The following TM6SF2 variants were observed in gnomAD, a reference collection of about 807,000 sequenced individuals.
TM6SF2 encodes transmembrane 6 superfamily member 2.
TM6SF2 carries 29 observed loss-of-function variants against 41.0 expected under a neutral mutation model. That is an observed-to-expected ratio of 0.71 (90% CI 0.53 to 0.96). The LOEUF (loss-of-function observed/expected upper bound fraction) is 0.96, where lower values mean the gene tolerates loss of function less well. Ranked by LOEUF, TM6SF2 falls within the 50% of genes least tolerant of loss-of-function variation. TM6SF2 has a pLI of 0.00. For missense variants in TM6SF2, 475 were observed against 499.0 expected, an observed-to-expected ratio of 0.95 and a Z score of 0.46; for synonymous variants, 200 against 209.1, an observed-to-expected ratio of 0.96 and a Z score of 0.37.
chr19:19,270,003 C>T, intron 4 of TM6SF2, 170 bp downstream of exon 4: 2 of 1,499,494 alleles, frequency 1.3e-6, no homozygotes, highest in Non-Finnish European at 8.9e-7. Context: ...CCACCACCTA[C>T]ACCTGAGACG....
chr19:19,270,552 A>G, intron 2 of TM6SF2, 110 bp from the exon 3 acceptor site: 1 of 1,346,222 alleles, frequency 7.4e-7, no homozygotes, highest in Non-Finnish European at 1.0e-6. Flanking sequence ...AGATTATTCC[A>G]GGCAAGGACT....
At chr19:19,265,408 A>G (rs1599835820) in intron 9 of TM6SF2, among the ~76,000 whole-genome samples, 5 of 97,492 alleles carry the variant, frequency 5.1e-5, no homozygotes, top group South Asian at 4.1e-4. Context: ...CTATCTATCC[A>G]TCCATCCATC....
chr19:19,266,863 G>T (rs767558951), intron 8 of TM6SF2: 22 of 421,976 alleles, frequency 5.2e-5, no homozygotes, highest in Non-Finnish European at 7.9e-5. Context: ...GAGCATTCCA[G>T]CCCCCTGTCC....
intron 4 of TM6SF2, 61 bp downstream of exon 4, chr19:19,270,112 C>T (rs1220961123): frequency 1.2e-6 from 2 of 1,604,294 alleles, no homozygotes; most frequent in African/African-American, 2.7e-5. Context: ...CCCTGGGACC[C>T]CATCTGAGGA....
chr19:19,264,836 C>A lies in TM6SF2; in HGVS notation c.962G>T (p.Arg321Leu), dbSNP rs778992711. The change falls in exon 10 of 10, where the codon CGC becomes CTC. Residue 321 changes from arginine (R) to leucine (L), a missense_variant. Around this residue, in one of 3 missense-constraint regions of TM6SF2, gnomAD observed 190 missense variants for 190.2 expected, o/e 1.00. Transcript: ENST00000389363. ...AGGCACACGGTAGGTGAAGGGTGTG[C>A]GCAGGTGCATGGAAGCCCCCATGTG... ...FSHMGASMHL[R>L]TPFTYRVPED... The A allele has an allele frequency of 6.3e-7, 1 of 1,594,218 alleles. No homozygotes were observed. The highest frequency in any genetic ancestry group is 8.5e-7 in the Non-Finnish European group (1 of 1,171,132).
chr19:19,273,061 T>TTCCCCCCCCCCCCCCCCCCC, intron 1 of TM6SF2, 60 bp downstream of exon 1: 1 of 305,470 alleles, frequency 3.3e-6, no homozygotes, highest in Non-Finnish European at 6.1e-6. Flanking sequence ...CCTCCAGTCC[T>TTCCCCCCCCCCCCCCCCCCC]CCCCGCCCCC....
At chr19:19,273,061 T>TTCCCCCCCCCCCC in intron 1 of TM6SF2, 60 bp downstream of exon 1, 1 of 305,470 alleles carries the variant, frequency 3.3e-6, no homozygotes, top group Admixed American at 5.9e-5. Flanking sequence ...CCTCCAGTCC[T>TTCCCCCCCCCCCC]CCCCGCCCCC....
At chr19:19,266,803 C>A in intron 8 of TM6SF2, 194 bp from the exon 9 acceptor site, 1 of 578,380 alleles carries the variant, frequency 1.7e-6, no homozygotes, top group South Asian at 2.1e-5. Context: ...ATACACCAAA[C>A]CTACTAACCT....
rs200492531 is a variant in TM6SF2, at chr19:19,271,076, C to A, written c.145G>T (p.Val49Leu). The A allele has an allele frequency of 1.5e-3, 2,358 of 1,614,190 alleles. 5 individuals are homozygous for A. Among genetic ancestry groups the A allele is most frequent in the Middle Eastern group, 2.8e-3 (17 of 6,062 alleles). ...MSALILGLLFVAVYSLSHGEV... is the reference protein window; with the variant it reads ...MSALILGLLFLAVYSLSHGEV... Reference sequence around the variant, plus strand: ...CCATGGGACAAGCTGTAGACCGCCACGAAAAGCAGACCCAGGATTAGGGCG... The same window carrying A: ...CCATGGGACAAGCTGTAGACCGCCAAGAAAAGCAGACCCAGGATTAGGGCG... The change falls in exon 2 of 10, where the codon GTG (valine) becomes TTG (leucine). Residue 49 changes from valine (V) to leucine (L), a missense_variant. Coordinates refer to ENST00000389363, the MANE Select transcript of TM6SF2 (RefSeq NM_001001524.3).
intron 8 of TM6SF2, chr19:19,266,831 G>T (rs2146576334): frequency 2.1e-6 from 1 of 484,640 alleles, no homozygotes; most frequent in East Asian, 4.1e-5. Flanking sequence ...AAAGTGGCAT[G>T]CGACCCTGGC....
chr19:19,267,792 C>T, intron 7 of TM6SF2, 79 bp from the exon 8 acceptor site: 1 of 1,402,690 alleles, frequency 7.1e-7, no homozygotes, highest in Non-Finnish European at 9.9e-7. Flanking sequence ...GGCCCACACC[C>T]CTTGCTCTGG....
chr19:19,267,582 C>T (rs775897073), intron 8 of TM6SF2, 39 bp downstream of exon 8: 309 of 1,478,516 alleles, frequency 2.1e-4, no homozygotes, highest in Non-Finnish European at 2.8e-4. Flanking sequence ...GACCCCTACC[C>T]ATGGCAGGGG....
At chr19:19,271,168 T>C (rs773047608) in intron 1 of TM6SF2, 43 bp from the exon 2 acceptor site, 1 of 1,505,360 alleles carries the variant, frequency 6.6e-7, no homozygotes, top group Non-Finnish European at 9.3e-7. Context: ...GGCCCAGTGC[T>C]GAGGCATCGC....
At chr19:19,268,160 G>A in intron 6 of TM6SF2, 73 bp from the exon 7 acceptor site, 2 of 1,029,724 alleles carry the variant, frequency 1.9e-6, no homozygotes, top group Non-Finnish European at 2.9e-6. Context: ...CTCAATAAAG[G>A]TTCCTAAGGC....
chr19:19,266,810 A>C, intron 8 of TM6SF2: 2 of 532,960 alleles, frequency 3.8e-6, no homozygotes, highest in Non-Finnish European at 6.5e-6. Context: ...AAACCTACTA[A>C]CCTTTCTCTG....
chr19:19,272,977 C>G, intron 1 of TM6SF2, 144 bp downstream of exon 1: 2 of 586,178 alleles, frequency 3.4e-6, no homozygotes, highest in Non-Finnish European at 5.4e-6. Flanking sequence ...CCAATCCTGC[C>G]GGGTCGGAGC....
intron 2 of TM6SF2, 35 bp from the exon 3 acceptor site, chr19:19,270,477 A>AGGGGACAGGTGTGGGT: frequency 6.6e-7 from 1 of 1,511,218 alleles, no homozygotes; most frequent in Non-Finnish European, 9.0e-7. Context: ...CAGGTGTGGG[A>AGGGGACAGGTGTGGGT]GGGGACACGT....
Position 19,266,785 on chromosome 19 carries a change from C to G in TM6SF2, c.805-176G>C, listed in dbSNP as rs183882541. On this transcript the variant is annotated intron_variant, in intron 8 of 9. Coordinates refer to ENST00000389363, the MANE Select transcript of TM6SF2 (RefSeq NM_001001524.3). ...CCTTGGGGATCCTTGCCCCCAACCC[C>G]CGAACACATACACCAAACCTACTAA... 197 of 689,494 alleles carry G rather than the reference C, an allele frequency of 2.9e-4. No individual in the cohort carries two copies. The African/African-American group carries it at 3.3e-3, about 12-fold the overall frequency. The allele number at this position is 689,494 out of a possible 1,614,324, so 42.7% of individuals were successfully genotyped here.
chr19:19,267,224 T>C (rs1249458980), intron 8 of TM6SF2, among the ~76,000 whole-genome samples: 1 of 151,424 alleles, frequency 6.6e-6, no homozygotes, highest in Non-Finnish European at 1.5e-5. Context: ...CAAAATTAGC[T>C]GAGTATGGTG....
Sources: allele counts gnomAD v4.1 joint callset (sites outside exome capture counted in the v4.1 genomes callset), GRCh38; gene constraint gnomAD v4.1.1; regional missense constraint gnomAD v4.1.1; transcripts MANE v1.5; gene names NCBI Gene and HGNC (gene_info 2026-07-23, HGNC 2026-07-21).